The following PLXNB2 variants were observed in gnomAD, a reference collection of about 807,000 sequenced individuals.
The protein encoded by PLXNB2 is plexin B2, also known as plexin-B2.
PLXNB2 carries 85 observed loss-of-function variants against 202.6 expected under a neutral mutation model. The ratio of observed to expected loss-of-function variants is 0.42; its 90% CI spans 0.35 to 0.50. The LOEUF is 0.50. Among genes scored for constraint, PLXNB2 ranks in the 20% least tolerant of loss-of-function variants. The probability of loss-of-function intolerance (pLI) is 0.02; values close to 1 mark genes in which losing one functional copy is unlikely to be tolerated. For missense variants in PLXNB2, 2,063 were observed against 2,586.2 expected, an observed-to-expected ratio of 0.80 and a Z score of 4.39; for synonymous variants, 1,239 against 1,137.6, an observed-to-expected ratio of 1.09 and a Z score of -1.79.
intron 1 of PLXNB2, among the ~76,000 whole-genome samples, chr22:50,295,050 G>A (rs935201244): frequency 2.6e-5 from 4 of 152,176 alleles, no homozygotes; most frequent in Non-Finnish European, 5.9e-5. Flanking sequence ...GCCGGGTGCG[G>A]TGGCTCCCGC....
rs2066523943 is a variant in PLXNB2 at position 50,287,250 on chromosome 22, G to A, written c.1623C>T (p.Val541=). The A allele has an allele frequency of 1.3e-6, 2 of 1,526,454 alleles. No individual in the cohort carries two copies. The highest frequency in any genetic ancestry group is 1.8e-6 in the Non-Finnish European group (2 of 1,133,616). 94.6% of individuals were successfully genotyped at this position (1,526,454 alleles called of 1,614,324 possible). A position where few individuals can be genotyped will look rare whatever the true frequency, so the allele number is the denominator to read the frequency against. Residue 541 remains valine, a synonymous_variant, in exon 8 of 37, where the codon GTC becomes GTT. Transcript: ENST00000359337. ...CCTCGCTCAGGGCAGGGAGGGGGCT[G>A]ACGGTCAGCTGCACCTGAGGGAGGG... ...RRAQGEVQLT[V]SPLPALSEED...
chr22:50,285,869 G>A lies in PLXNB2; in HGVS notation c.2019C>T (p.Ser673=), dbSNP rs368372570. ...EDSCPQFLGP[S]PLVIPMNHET... is the part of the protein sequence containing the mutation. Reference sequence around the variant, plus strand: ...CGTGGTTCATGGGGATCACCAGGGGGCTGGGTCCCAGGAACTGGGGACAGC... The same window carrying A: ...CGTGGTTCATGGGGATCACCAGGGGACTGGGTCCCAGGAACTGGGGACAGC... Residue 673 remains serine (S), a synonymous_variant, in exon 11 of 37, where the codon AGC becomes AGT. Coordinates refer to ENST00000359337, the MANE Select transcript of PLXNB2 (RefSeq NM_012401.4). The A allele has an allele frequency of 3.7e-6, 6 of 1,612,678 alleles. No homozygotes were observed. Among genetic ancestry groups the A allele is most frequent in the African/African-American group, 1.3e-5 (1 of 74,930 alleles).
chr22:50,278,183 G>A lies in PLXNB2; in HGVS notation c.4821C>T (p.Ser1607=), dbSNP rs201644992. 4.1e-5 allele frequency: 66 copies of A among 1,606,882 alleles called. No homozygotes were observed. Among genetic ancestry groups the A allele is most frequent in the African/African-American group, 8.0e-5 (6 of 74,914 alleles). Residue 1607 remains serine, a synonymous_variant, in exon 31 of 37, where the codon AGC becomes AGT. Coordinates refer to ENST00000359337, the MANE Select transcript of PLXNB2 (RefSeq NM_012401.4). ...CCTTCGTCCGCTCCTTCTCTTTCAC[G>A]CTGCCTCTCTTGGACTTGCCCTCGT... The part of the protein sequence containing the change: ...EVDEGKSKRG[S]VKEKERTKAI...
Position 50,284,347 on chromosome 22 carries a change from C to A in PLXNB2, c.2182-134G>T. 1.1e-6 allele frequency: 1 copy of A among 876,358 alleles called. No individual in the cohort carries two copies. The highest frequency in any genetic ancestry group is 1.4e-5 in the South Asian group (1 of 69,046). 54.3% of individuals were successfully genotyped at this position (876,358 alleles called of 1,614,324 possible). On this transcript the variant is annotated intron_variant, in intron 12 of 36. Transcript: ENST00000359337. This position sits in a 1 kb window ranked among gnomAD's most constrained non-coding sequence, Gnocchi z 8.0. Reference sequence around the variant, plus strand: ...GGCAGCAGGGGAGGCCTTCAGGTGTCGGAAGTTCGGGAACCCCATGGACGC... The same window carrying A: ...GGCAGCAGGGGAGGCCTTCAGGTGTAGGAAGTTCGGGAACCCCATGGACGC...
In PLXNB2 at chr22:50,282,554, G is replaced by A. The variant is rs576754693; in HGVS notation, c.2987+157C>T. The A allele has an allele frequency of 4.0e-5, 26 of 653,684 alleles. No individual in the cohort carries two copies. The African/African-American group carries it at 4.5e-4, about 11-fold the overall frequency. The allele number at this position is 653,684 out of a possible 1,614,324, so 40.5% of individuals were successfully genotyped here. Reference sequence around the variant, plus strand: ...TCTGGTGTGCCCATCTGGGTTTCTAGGAGGAAGTGGATCTGGAGTGCAGTG... The same window carrying A: ...TCTGGTGTGCCCATCTGGGTTTCTAAGAGGAAGTGGATCTGGAGTGCAGTG... On this transcript the variant is annotated intron_variant, in intron 18 of 36. Transcript: ENST00000359337.
At chr22:50,294,360 C>T (rs1223283355) in intron 2 of PLXNB2, among the ~76,000 whole-genome samples, 1 of 150,656 alleles carries the variant, frequency 6.6e-6, no homozygotes, top group Admixed American at 6.6e-5. Flanking sequence ...GCTGCTGCTG[C>T]CCACAAAGCG....
chr22:50,306,979 G>C (rs1237814546), intron 1 of PLXNB2, among the ~76,000 whole-genome samples: 1 of 152,194 alleles, frequency 6.6e-6, no homozygotes, highest in Non-Finnish European at 1.5e-5. Context: ...CAGGGGACAG[G>C]CAGGGCTCGC....
chr22:50,307,585 C>T lies in PLXNB2; in HGVS notation c.-106G>A, dbSNP rs1344030839. ...TCCGCCGCCAAGGCTCGATGGCGCC[C>T]GGGCCGCGCTCGGCGCTGCGCTCTG... On this transcript the variant is annotated 5_prime_UTR_variant, in exon 1 of 37. Transcript: ENST00000359337. The T allele has an allele frequency of 8.7e-5, 85 of 982,130 alleles. No homozygotes were observed. The highest frequency in any genetic ancestry group is 1.0e-4 in the Non-Finnish European group (84 of 828,766). The allele number at this position is 982,130 out of a possible 1,614,324, so 60.8% of individuals were successfully genotyped here.
At chr22:50,277,033 G>A (rs944827555) in intron 33 of PLXNB2, 127 bp from the exon 34 acceptor site, 107 of 697,844 alleles carry the variant, frequency 1.5e-4, no homozygotes, top group South Asian at 4.7e-4. Context: ...TGGGCCGGGC[G>A]CAGTGGCTCA....
intron 1 of PLXNB2, among the ~76,000 whole-genome samples, chr22:50,298,780 G>C (rs1601768067): frequency 6.6e-6 from 1 of 152,184 alleles, no homozygotes; most frequent in Non-Finnish European, 1.5e-5. Context: ...CCAGTAGCTG[G>C]GACTACAGGT....
rs527555983 is a variant in PLXNB2 at position 50,281,287 on chromosome 22, G to A, written c.3662+73C>T. ...TACACGCCTGCCTGTGCAGGGCGGC[G>A]GATGAGGCCAGAGGGGCCGAGGCGG... On this transcript the variant is annotated intron_variant, in intron 22 of 36. Coordinates refer to ENST00000359337, the MANE Select transcript of PLXNB2 (RefSeq NM_012401.4). 3.6e-5 allele frequency: 57 copies of A among 1,584,054 alleles called. No homozygotes were observed. The Middle Eastern group carries it at 6.7e-4, about 18-fold the overall frequency.
Position 50,289,895 on chromosome 22 carries a change from A to G in PLXNB2, c.690T>C (p.Phe230=). The G allele has an allele frequency of 8.1e-6, 13 of 1,613,226 alleles. No homozygotes were observed. Among genetic ancestry groups the G allele is most frequent in the Non-Finnish European group, 1.1e-5 (13 of 1,180,032 alleles). Residue 230 remains phenylalanine (F), a synonymous_variant, in exon 3 of 37, where the codon TTT becomes TTC. Coordinates refer to ENST00000359337, the MANE Select transcript of PLXNB2 (RefSeq NM_012401.4). The surrounding 1 kb of genome is among the most constrained non-coding windows in gnomAD (Gnocchi z 8.0). ...AAFEDGPYVF[F]VFNQQDKHPA... is the part of the protein sequence containing the mutation. ...GGTGCTTGTCCTGCTGGTTGAAGAC[A>G]AAGAAGACGTAGGGGCCGTCCTCGA...
chr22:50,298,860 G>T (rs959373959), intron 1 of PLXNB2, among the ~76,000 whole-genome samples: 4 of 152,200 alleles, frequency 2.6e-5, no homozygotes, highest in African/African-American at 9.6e-5. Context: ...TGCCCAGACC[G>T]GTTTCGAACT....
intron 28 of PLXNB2, 32 bp downstream of exon 28, chr22:50,278,823 C>T: frequency 6.2e-7 from 1 of 1,603,698 alleles, no homozygotes; most frequent in African/African-American, 1.3e-5. Context: ...ACATGGGCGC[C>T]TGTGTGCAGA....
In PLXNB2 at chr22:50,283,156, G is replaced by C; in HGVS notation, c.2710C>G (p.Gln904Glu). The change falls in exon 17 of 37, where the codon CAG becomes GAG. Residue 904 changes from glutamine to glutamate, a missense_variant. By Grantham distance (29) the Gln-to-Glu change is conservative. Coordinates refer to ENST00000359337, the MANE Select transcript of PLXNB2 (RefSeq NM_012401.4). ...GTGGTGCCGCCCGCCTGCGGTCCCT[G>C]CTGCGGCTCCACACTGAGAGGCTTG... ...QPKPLSVEPQQGPQAGGTTLT... is the reference protein window; with the variant it reads ...QPKPLSVEPQEGPQAGGTTLT... 3 of 1,598,092 alleles carry C rather than the reference G, an allele frequency of 1.9e-6. No individual in the cohort carries two copies. The highest frequency in any genetic ancestry group is 2.6e-6 in the Non-Finnish European group (3 of 1,173,878).
rs1045227855 is a variant in PLXNB2, at chr22:50,288,286, C to T, written c.1381-249G>A. Among the ~76,000 whole-genome samples, 6 of 152,244 alleles carry T rather than the reference C, an allele frequency of 3.9e-5. No individual in the cohort carries two copies. Among genetic ancestry groups the T allele is most frequent in the Middle Eastern group, 3.4e-3 (1 of 294 alleles). ...CTCCCGGGGCAGCTCCTGTCCTCTACACTGGCTCCCTCCGAGGGGTGCTCC... is the reference window on the plus strand; with the variant it reads ...CTCCCGGGGCAGCTCCTGTCCTCTATACTGGCTCCCTCCGAGGGGTGCTCC... On this transcript the variant is annotated intron_variant, in intron 5 of 36. Coordinates refer to ENST00000359337, the MANE Select transcript of PLXNB2 (RefSeq NM_012401.4). The surrounding 1 kb of genome is among the most constrained non-coding windows in gnomAD (Gnocchi z 5.0).
chr22:50,277,544 G>T (rs28637964), intron 33 of PLXNB2, 47 bp downstream of exon 33: 794,483 of 1,511,346 alleles, frequency 0.53, 213,122 homozygotes, highest in South Asian at 0.58. Flanking sequence ...GCCTCCTGGG[G>T]ACAGACCCAG....
rs2066575943 is a variant in PLXNB2, at chr22:50,287,824, GGT to G, written c.1482-33_1482-32del. The stretch of plus-strand genomic sequence containing the variant: ...GGCGCAGGGGGCGGCCTCAGCCCAG[GGT>G]GGAGTCTTGTTCTCCCGGGACAGGA... On this transcript the variant is annotated intron_variant, in intron 6 of 36. Coordinates refer to ENST00000359337, the MANE Select transcript of PLXNB2 (RefSeq NM_012401.4). 3.1e-6 allele frequency: 5 copies of G among 1,595,768 alleles called. No homozygotes were observed. In the East Asian group the frequency reaches 9.0e-5, roughly 29 times the overall value.
In PLXNB2 at chr22:50,278,896, T is replaced by C; in HGVS notation, c.4505A>G (p.Gln1502Arg). The C allele has an allele frequency of 6.2e-7, 1 of 1,613,476 alleles. No homozygotes were observed. Residue 1502 changes from glutamine to arginine, a missense_variant, in exon 28 of 37, where the codon CAG (glutamine) becomes CGG (arginine). By Grantham distance (43) the Gln-to-Arg change is conservative. Around this residue, in one of 2 missense-constraint regions of PLXNB2, gnomAD observed 760 missense variants for 1,109.4 expected, o/e 0.69. Transcript: ENST00000359337. Reference protein sequence around the residue: ...EKIIDQVYRGQPCSCWPRPDS... With the variant: ...EKIIDQVYRGRPCSCWPRPDS... ...TGGCCTGGGCCAGCAGGAGCAGGGC[T>C]GCCCACGGTACACCTGGTCAATGAT... is the stretch of plus-strand genomic sequence containing the variant.
Sources: allele counts gnomAD v4.1 joint callset (sites outside exome capture counted in the v4.1 genomes callset), GRCh38; gene constraint gnomAD v4.1.1; regional missense constraint gnomAD v4.1.1; non-coding constraint Gnocchi (gnomAD v3.1); transcripts MANE v1.5; gene names NCBI Gene and HGNC (gene_info 2026-07-23, HGNC 2026-07-21).